Variants in ARFGEF2 observed in about 807,000 individuals in gnomAD.
The protein encoded by ARFGEF2 is ARF guanine nucleotide exchange factor 2.
ARFGEF2 carries 74 observed loss-of-function variants against 219.9 expected under a neutral mutation model. That is an observed-to-expected ratio of 0.34 (90% CI 0.28 to 0.41). The LOEUF (loss-of-function observed/expected upper bound fraction) is 0.41. ARFGEF2 is among the 10% of genes least tolerant of loss of function. The pLI, the probability that ARFGEF2 is intolerant of heterozygous loss-of-function variation, is 1.00. For missense variants in ARFGEF2, 1,743 were observed against 2,218.3 expected (o/e 0.79, Z 4.30); for synonymous variants, 733 against 799.2 (o/e 0.92, Z 1.40).
Position 49,013,674 on chromosome 20 carries a change from C to G in ARFGEF2, c.4029C>G (p.Cys1343Trp). Residue 1343 changes from cysteine (C) to tryptophan (W), a missense_variant, in exon 29 of 39, where the codon TGC (cysteine) becomes TGG (tryptophan). Cys to Trp is a radical substitution (Grantham distance 215, BLOSUM62 -2). Transcript: ENST00000371917. ...AACTCTCCTGCATCATTAATAGATG[C>G]AAGTTAGATGTACGAACAAGGTAAC... ...LFELSCIINR[C>W]KLDVRTRGLT... is the part of the protein sequence containing the mutation. 1.2e-6 allele frequency: 2 copies of G among 1,614,126 alleles called. No homozygotes were observed. Among genetic ancestry groups the G allele is most frequent in the Non-Finnish European group, 1.7e-6 (2 of 1,180,024 alleles).
chr20:49,029,902 A>AATT (rs1555816762), intron 37 of ARFGEF2, among the ~76,000 whole-genome samples: 31 of 97,760 alleles, frequency 3.2e-4, no homozygotes, highest in African/African-American at 4.3e-4. Flanking sequence ...CTAAAAGTGA[A>AATT]TTTTTTTTTT....
chr20:48,928,580 T>C (rs371296402), intron 1 of ARFGEF2, among the ~76,000 whole-genome samples: 92 of 142,386 alleles, frequency 6.5e-4, no homozygotes, highest in Middle Eastern at 8.3e-3. Flanking sequence ...CTGCAAGCTC[T>C]GCCTCCTGGG....
At chr20:48,974,975 C>G in intron 13 of ARFGEF2, 101 bp downstream of exon 13, 1 of 1,039,534 alleles carries the variant, frequency 9.6e-7, no homozygotes, top group South Asian at 1.4e-5. Context: ...TTGAAAAAGC[C>G]TTTTTAGTTT....
rs3764682 is a variant in ARFGEF2, at chr20:48,997,960, C to A, written c.3222-233C>A. ...GCAACTTCTGCCTCCCGAGTTCAAGCGAATCTTCTGCTTCAGCCTCCCAAG... is the reference window on the plus strand; with the variant it reads ...GCAACTTCTGCCTCCCGAGTTCAAGAGAATCTTCTGCTTCAGCCTCCCAAG... On this transcript the variant is annotated intron_variant, in intron 23 of 38. Transcript: ENST00000371917. 0.28 allele frequency: 142,958 copies of A among 510,458 alleles called. 21,779 individuals carry two copies. Among genetic ancestry groups the A allele is most frequent in the East Asian group, 0.46 (12,457 of 26,970 alleles). 31.6% of individuals were successfully genotyped at this position (510,458 alleles called of 1,614,324 possible). A position where few individuals can be genotyped will look rare whatever the true frequency, so the allele number is the denominator to read the frequency against.
intron 1 of ARFGEF2, among the ~76,000 whole-genome samples, chr20:48,935,289 A>T (rs2090940817): frequency 6.6e-6 from 1 of 152,088 alleles, no homozygotes; most frequent in African/African-American, 2.4e-5. Flanking sequence ...GGGAGTGGTG[A>T]TGACTCTTAA....
intron 37 of ARFGEF2, 77 bp downstream of exon 37, chr20:49,028,745 GAGTA>G: frequency 6.6e-7 from 1 of 1,505,834 alleles, no homozygotes; most frequent in Admixed American, 1.9e-5. Context: ...GGATTGAAAA[GAGTA>G]AGAGAAAAAT....
chr20:48,961,845 C>T (rs1438675960), intron 6 of ARFGEF2, among the ~76,000 whole-genome samples: 2 of 144,946 alleles, frequency 1.4e-5, no homozygotes, highest in Non-Finnish European at 3.0e-5. Flanking sequence ...ACCTGGGCAA[C>T]AGAGTGAGAC....
intron 26 of ARFGEF2, among the ~76,000 whole-genome samples, chr20:49,005,876 C>T (rs1221256103): frequency 2.0e-5 from 3 of 152,138 alleles, no homozygotes; most frequent in Non-Finnish European, 4.4e-5. Context: ...CACTTCTCCC[C>T]CAGGGAGGTC....
intron 13 of ARFGEF2, among the ~76,000 whole-genome samples, chr20:48,975,444 C>T (rs573398489): frequency 3.9e-5 from 6 of 152,256 alleles, no homozygotes; most frequent in African/African-American, 1.4e-4. Context: ...TCCTCCTATT[C>T]GTTGTTCTTT....
chr20:49,017,074 C>T (rs2091535262), intron 31 of ARFGEF2, among the ~76,000 whole-genome samples, 175 bp from the exon 32 acceptor site: 1 of 152,052 alleles, frequency 6.6e-6, no homozygotes, highest in Non-Finnish European at 1.5e-5. Flanking sequence ...ACAATTTTAA[C>T]TCTTCAAAAA....
At chr20:48,966,112 T>G (rs2091185443) in intron 8 of ARFGEF2, 89 bp downstream of exon 8, 1 of 1,511,492 alleles carries the variant, frequency 6.6e-7, no homozygotes. Flanking sequence ...AAGAAGCAAC[T>G]AAAATAAGCA....
chr20:48,970,479 A>G (rs370603045), intron 9 of ARFGEF2, among the ~76,000 whole-genome samples: 8 of 151,786 alleles, frequency 5.3e-5, no homozygotes, highest in East Asian at 1.9e-4. Flanking sequence ...GCATGGTGGC[A>G]GGCGCCTGTA....
chr20:48,969,410 T>C, intron 9 of ARFGEF2, 133 bp downstream of exon 9: 1 of 1,541,198 alleles, frequency 6.5e-7, no homozygotes, highest in South Asian at 1.2e-5. Context: ...AGGAACGGTT[T>C]TACAACTTTT....
At chr20:48,955,886 C>G (rs892546738) in intron 6 of ARFGEF2, among the ~76,000 whole-genome samples, 1 of 151,710 alleles carries the variant, frequency 6.6e-6, no homozygotes, top group African/African-American at 2.4e-5. Flanking sequence ...TGCAGTGTGT[C>G]TGTGAATAGC....
intron 6 of ARFGEF2, among the ~76,000 whole-genome samples, chr20:48,956,859 C>T (rs1361361364): frequency 6.6e-6 from 1 of 152,174 alleles, no homozygotes; most frequent in Non-Finnish European, 1.5e-5. Flanking sequence ...GGATTACAGG[C>T]GTGAGCCACC....
At chr20:48,953,453 G>A (rs1438801902) in intron 5 of ARFGEF2, 103 bp from the exon 6 acceptor site, 9 of 1,062,252 alleles carry the variant, frequency 8.5e-6, no homozygotes, top group South Asian at 1.3e-5. Flanking sequence ...TGAAATTATA[G>A]GCGTTAACCA....
Position 49,023,060 on chromosome 20 carries a change from T to C in ARFGEF2, c.4634T>C (p.Leu1545Pro). 2 of 1,614,200 alleles carry C rather than the reference T, an allele frequency of 1.2e-6. No homozygotes were observed. The highest frequency in any genetic ancestry group is 1.7e-6 in the Non-Finnish European group (2 of 1,180,032). Reference sequence around the variant, plus strand: ...TTATCATCTAACATAGATCAGAAACTGTTTGCCAGCCTCCTCATCAAGTGT... The same window carrying C: ...TTATCATCTAACATAGATCAGAAACCGTTTGCCAGCCTCCTCATCAAGTGT... ...WKGRPYANQK[L>P]FASLLIKCVV... Residue 1545 changes from leucine to proline, a missense_variant, in exon 35 of 39, where the codon CTG (leucine) becomes CCG (proline). Transcript: ENST00000371917.
intron 14 of ARFGEF2, among the ~76,000 whole-genome samples, chr20:48,978,813 A>G (rs527593628): frequency 6.6e-6 from 1 of 152,338 alleles, no homozygotes; most frequent in East Asian, 1.9e-4. Context: ...TGATTTTTGC[A>G]CATTGATTTT....
intron 1 of ARFGEF2, among the ~76,000 whole-genome samples, chr20:48,932,194 A>C (rs1029012996): frequency 6.6e-6 from 1 of 152,154 alleles, no homozygotes; most frequent in African/African-American, 2.4e-5. Context: ...GAGAGAGCAG[A>C]GAGTAGGCCC....
Sources: allele counts gnomAD v4.1 joint callset (sites outside exome capture counted in the v4.1 genomes callset), GRCh38; gene constraint gnomAD v4.1.1; transcripts MANE v1.5; gene names NCBI Gene and HGNC (gene_info 2026-07-23, HGNC 2026-07-21).